The following BCL2 variants were observed in gnomAD, a reference collection of about 807,000 sequenced individuals.
BCL2 encodes BCL2 apoptosis regulator, also known as apoptosis regulator Bcl-2.
Under a neutral mutation model 14.2 loss-of-function variants are expected in BCL2, and 1 was observed. The ratio of observed to expected loss-of-function variants is 0.07; its 90% CI spans 0.02 to 0.33. The LOEUF is 0.33. Among genes scored for constraint, BCL2 ranks in the 10% least tolerant of loss-of-function variants. The pLI, the probability that BCL2 is intolerant of heterozygous loss-of-function variation, is 0.99. For synonymous variants in BCL2, 151 were observed against 137.2 expected, an observed-to-expected ratio of 1.10 and a Z score of -0.70; for missense variants, 247 against 305.9, an observed-to-expected ratio of 0.81 and a Z score of 1.44.
At chr18:63,211,506 T>C (rs1910002616) in intron 2 of BCL2, among the ~76,000 whole-genome samples, 1 of 152,206 alleles carries the variant, frequency 6.6e-6, no homozygotes, top group African/African-American at 2.4e-5. Context: ...TTAAGCTATC[T>C]ATATATTTTT....
intron 2 of BCL2, among the ~76,000 whole-genome samples, chr18:63,195,076 C>G (rs1415729813): frequency 6.6e-6 from 1 of 152,206 alleles, no homozygotes; most frequent in Non-Finnish European, 1.5e-5. Context: ...CCCAACATCA[C>G]AGTGGATGGA....
intron 2 of BCL2, among the ~76,000 whole-genome samples, chr18:63,250,363 C>T (rs1340343332): frequency 6.6e-6 from 1 of 152,194 alleles, no homozygotes; most frequent in Non-Finnish European, 1.5e-5. Context: ...GAGAGTATTA[C>T]TGAATACACA....
chr18:63,319,091 T>C (rs1913611178), intron 1 of BCL2, 83 bp downstream of exon 1: 1 of 1,051,668 alleles, frequency 9.5e-7, no homozygotes, highest in Non-Finnish European at 1.2e-6. Flanking sequence ...AAATTAAATT[T>C]ACTCGAATGC....
intron 2 of BCL2, among the ~76,000 whole-genome samples, chr18:63,248,437 A>T (rs1911211925): frequency 6.6e-6 from 1 of 152,242 alleles, no homozygotes; most frequent in Non-Finnish European, 1.5e-5. Flanking sequence ...TTTTGACTTT[A>T]AGGCCAAGTG....
intron 2 of BCL2, among the ~76,000 whole-genome samples, chr18:63,198,838 C>A (rs1181975497): frequency 2.7e-3 from 2 of 736 alleles, no homozygotes; most frequent in Non-Finnish European, 6.0e-3. Flanking sequence ...CATACACAGA[C>A]ACACATAGAC....
upstream of BCL2, chr18:63,319,986 G>T (rs899260917): frequency 1.1e-3 from 172 of 152,636 alleles, no homozygotes; most frequent in African/African-American, 4.0e-3. Context: ...CCCGCTCCGA[G>T]CGCTGACGGC....
rs567841821 is a variant in BCL2 at position 63,200,338 on chromosome 18, G to A, written c.586-71579C>T. Among the ~76,000 whole-genome samples, 7 of 152,330 alleles carry A rather than the reference G, an allele frequency of 4.6e-5. No individual in the cohort carries two copies. In the East Asian group the frequency reaches 7.7e-4, roughly 17 times the overall value. On this transcript the variant is annotated intron_variant, in intron 2 of 2. Coordinates refer to ENST00000333681, the MANE Select transcript of BCL2 (RefSeq NM_000633.3). The stretch of plus-strand genomic sequence containing the variant: ...CAAATATGAGGTACCATTGCAGATA[G>A]TAATAAATGGGCTTCTAAAATGTTC...
chr18:63,291,999 A>G (rs1176484310), intron 2 of BCL2, among the ~76,000 whole-genome samples: 1 of 152,168 alleles, frequency 6.6e-6, no homozygotes, highest in Non-Finnish European at 1.5e-5. Context: ...CAGGAGAGCT[A>G]GGTGATAGGA....
At chr18:63,208,390 G>A (rs931433734) in intron 2 of BCL2, among the ~76,000 whole-genome samples, 3 of 139,408 alleles carry the variant, frequency 2.2e-5, no homozygotes, top group Non-Finnish European at 4.7e-5. Flanking sequence ...CTATCCACAC[G>A]TTTTTGCTCA....
intron 2 of BCL2, among the ~76,000 whole-genome samples, chr18:63,155,488 G>A (rs1056338611): frequency 6.6e-6 from 1 of 152,144 alleles, no homozygotes; most frequent in Non-Finnish European, 1.5e-5. Context: ...GAGGGTCTCG[G>A]AGGGTCCAGC....
At chr18:63,313,022 C>T (rs1404300987) in intron 2 of BCL2, among the ~76,000 whole-genome samples, 1 of 152,206 alleles carries the variant, frequency 6.6e-6, no homozygotes, top group Non-Finnish European at 1.5e-5. Flanking sequence ...AGGCCTAATG[C>T]ACACATGAAC....
At chr18:63,269,447 T>C (rs1346003145) in intron 2 of BCL2, among the ~76,000 whole-genome samples, 1 of 152,096 alleles carries the variant, frequency 6.6e-6, no homozygotes, top group Non-Finnish European at 1.5e-5. Context: ...TTGAGGGACG[T>C]GGGATCATCT....
At chr18:63,215,985 G>A (rs1910189123) in intron 2 of BCL2, among the ~76,000 whole-genome samples, 1 of 152,108 alleles carries the variant, frequency 6.6e-6, no homozygotes, top group Non-Finnish European at 1.5e-5. Flanking sequence ...GTCCCCAGAG[G>A]AGGTGCAAGC....
chr18:63,159,868 C>T (rs528396305), intron 2 of BCL2, among the ~76,000 whole-genome samples: 7 of 152,334 alleles, frequency 4.6e-5, no homozygotes, highest in Middle Eastern at 3.4e-3. Flanking sequence ...CCCACGCGTA[C>T]GCATTTCTTA....
intron 2 of BCL2, among the ~76,000 whole-genome samples, chr18:63,301,520 C>T (rs918177014): frequency 6.6e-6 from 1 of 152,214 alleles, no homozygotes; most frequent in African/African-American, 2.4e-5. Context: ...TGAACTTTAG[C>T]ATATGTACTT....
Position 63,169,291 on chromosome 18 carries a change from T to TC in BCL2, c.586-40533dup, listed in dbSNP as rs1568222370. On this transcript the variant is annotated intron_variant, in intron 2 of 2. Coordinates refer to ENST00000333681, the MANE Select transcript of BCL2 (RefSeq NM_000633.3). The stretch of plus-strand genomic sequence containing the variant: ...TTCTTTCTTTCTTTCTTTCTTTCTT[T>TC]CTTTCTTTCTTTCTTTCTTCCTTCC... Among the ~76,000 whole-genome samples the TC allele has an allele frequency of 1.6e-4, 13 of 80,226 alleles. No individual in the cohort carries two copies. In the South Asian group the frequency reaches 3.8e-3, roughly 24 times the overall value. The allele number at this position is 80,226 out of a possible 152,430, so 52.6% of individuals were successfully genotyped here. A position where few individuals can be genotyped will look rare whatever the true frequency, so the allele number is the denominator to read the frequency against.
At chr18:63,169,395 T>TTC (rs1915166099) in intron 2 of BCL2, among the ~76,000 whole-genome samples, 2 of 123,170 alleles carry the variant, frequency 1.6e-5, no homozygotes, top group African/African-American at 8.1e-5. Flanking sequence ...TTCTTTTTCT[T>TTC]TCTTTCTTTT....
chr18:63,177,538 C>A (rs1272926691), intron 2 of BCL2, among the ~76,000 whole-genome samples: 2 of 152,218 alleles, frequency 1.3e-5, no homozygotes, highest in Admixed American at 6.5e-5. Flanking sequence ...CCTCCTCACA[C>A]CACTTATCCT....
chr18:63,155,756 T>C (rs1036556903), intron 2 of BCL2, among the ~76,000 whole-genome samples: 6 of 152,190 alleles, frequency 3.9e-5, no homozygotes, highest in South Asian at 2.1e-4. Flanking sequence ...TGCCAGGCAC[T>C]CTGCCAATTG....
Sources: allele counts gnomAD v4.1 joint callset (sites outside exome capture counted in the v4.1 genomes callset), GRCh38; gene constraint gnomAD v4.1.1; transcripts MANE v1.5; gene names NCBI Gene and HGNC (gene_info 2026-07-23, HGNC 2026-07-21).